The following SARNP variants were observed in gnomAD, a reference collection of about 807,000 sequenced individuals.
The protein encoded by SARNP is SAP domain-containing ribonucleoprotein.
A neutral mutation model predicts 38.1 loss-of-function variants in SARNP; 5 were observed. That is an observed-to-expected ratio of 0.13 (90% confidence interval 0.07 to 0.28). The LOEUF (loss-of-function observed/expected upper bound fraction) is 0.28, where lower values mean the gene tolerates loss of function less well. SARNP is among the 10% of genes least tolerant of loss of function. SARNP has a pLI of 1.00. For synonymous variants in SARNP, 84 were observed against 80.6 expected, an observed-to-expected ratio of 1.04 and a Z score of -0.23; for missense variants, 180 against 243.9, an observed-to-expected ratio of 0.74 and a Z score of 1.75.
chr12:55,764,274 C>A (rs1878759465), intron 9 of SARNP, among the ~76,000 whole-genome samples: 2 of 152,112 alleles, frequency 1.3e-5, no homozygotes, highest in African/African-American at 4.8e-5. Flanking sequence ...TCTGTAATCC[C>A]ACCACTTTGA....
chr12:55,788,651 T>A (rs528001447), intron 9 of SARNP, among the ~76,000 whole-genome samples: 1 of 151,952 alleles, frequency 6.6e-6, no homozygotes, highest in African/African-American at 2.4e-5. Context: ...TGAAAAAAAT[T>A]AGCTGGGCAT....
In SARNP at chr12:55,760,444, GTAAATAAA is replaced by G. The variant is rs542134059; in HGVS notation, c.591+99_591+106del. On this transcript the variant is annotated intron_variant, in intron 10 of 10. Coordinates refer to ENST00000336133, the MANE Select transcript of SARNP (RefSeq NM_033082.4). ...AGAGACCCCAACTCGACTTAAATAA[GTAAATAAA>G]TAAATAAATAAATAGGTGGGGAAAC... 103 of 702,112 alleles carry G rather than the reference GTAAATAAA, an allele frequency of 1.5e-4. 1 individual carries two copies. Among genetic ancestry groups the G allele is most frequent in the African/African-American group, 1.3e-3 (74 of 55,424 alleles). 43.5% of individuals were successfully genotyped at this position (702,112 alleles called of 1,614,324 possible). A position where few individuals can be genotyped will look rare whatever the true frequency, so the allele number is the denominator to read the frequency against.
At chr12:55,757,669 G>C in intron 10 of SARNP, 116 bp from the exon 11 acceptor site, 1 of 668,292 alleles carries the variant, frequency 1.5e-6, no homozygotes, top group Non-Finnish European at 2.5e-6. Flanking sequence ...AGGAAGGATG[G>C]CCCAGACTTG....
chr12:55,782,519 C>T (rs1177203739), intron 9 of SARNP, among the ~76,000 whole-genome samples: 2 of 152,164 alleles, frequency 1.3e-5, no homozygotes, highest in Non-Finnish European at 2.9e-5. Context: ...AACTAATATC[C>T]TCTGACTACA....
intron 1 of SARNP, among the ~76,000 whole-genome samples, chr12:55,805,193 C>T (rs1039641388): frequency 2.0e-5 from 3 of 152,288 alleles, no homozygotes; most frequent in African/African-American, 4.8e-5. Context: ...ACCCTGGAGG[C>T]GGAACTTGCA....
chr12:55,800,818 C>A (rs1232240547), intron 3 of SARNP, 36 bp downstream of exon 3: 1 of 1,578,726 alleles, frequency 6.3e-7, no homozygotes, highest in African/African-American at 1.3e-5. Flanking sequence ...AGCAGTGGCA[C>A]ATTACCAGAG....
intron 9 of SARNP, among the ~76,000 whole-genome samples, chr12:55,768,093 C>A (rs1478273102): frequency 6.6e-6 from 1 of 151,936 alleles, no homozygotes; most frequent in Non-Finnish European, 1.5e-5. Flanking sequence ...GTCCTATTAA[C>A]CATCTCCCTC....
intron 9 of SARNP, among the ~76,000 whole-genome samples, chr12:55,788,677 T>C (rs1010015117): frequency 1.3e-5 from 2 of 152,054 alleles, no homozygotes; most frequent in Non-Finnish European, 1.5e-5. Context: ...CACGTGCCTG[T>C]AGTTTTAGCT....
rs554386088 is a variant in SARNP, at chr12:55,783,904, G to A, written c.501+5171C>T. ...GCCCAGGAATTGGAGACCAGCCTGG[G>A]CCACACATGAGATCCTATCTCTAAA... is the stretch of plus-strand genomic sequence containing the variant. On this transcript the variant is annotated intron_variant, in intron 9 of 10. Transcript: ENST00000336133. Among the ~76,000 whole-genome samples, 8 of 151,974 alleles carry A rather than the reference G, an allele frequency of 5.3e-5. No individual in the cohort carries two copies. The South Asian group carries it at 1.7e-3, about 32-fold the overall frequency.
intron 9 of SARNP, among the ~76,000 whole-genome samples, chr12:55,779,085 T>C (rs1337069421): frequency 2.0e-5 from 3 of 152,364 alleles, no homozygotes; most frequent in South Asian, 4.1e-4. Flanking sequence ...TATGTGAGGT[T>C]GAGTTTTAGC....
chr12:55,773,882 A>G (rs766966459), intron 9 of SARNP, among the ~76,000 whole-genome samples: 1 of 151,948 alleles, frequency 6.6e-6, no homozygotes, highest in Non-Finnish European at 1.5e-5. Flanking sequence ...TAATTTTTGT[A>G]TTTTTAGTAG....
chr12:55,806,237 T>C (rs1004052703), intron 1 of SARNP, among the ~76,000 whole-genome samples: 3 of 152,034 alleles, frequency 2.0e-5, no homozygotes, highest in Non-Finnish European at 4.4e-5. Context: ...TAACAGTACC[T>C]ATTTCATAGG....
rs137893399 is a variant in SARNP at position 55,775,890 on chromosome 12, C to A, written c.501+13185G>T. On this transcript the variant is annotated intron_variant, in intron 9 of 10. Coordinates refer to ENST00000336133, the MANE Select transcript of SARNP (RefSeq NM_033082.4). ...ACTGAACCCACATATATAAGCCTCT[C>A]AAGTATTAACATACATTCTAAACAT... 1.1e-3 allele frequency among the ~76,000 whole-genome samples: 174 copies of A among 152,276 alleles called. 7 individuals are homozygous for A. The highest frequency in any genetic ancestry group is 7.5e-3 in the Admixed American group (114 of 15,282).
At chr12:55,808,634 G>T (rs1390553720) in intron 1 of SARNP, among the ~76,000 whole-genome samples, 1 of 151,850 alleles carries the variant, frequency 6.6e-6, no homozygotes, top group Non-Finnish European at 1.5e-5. Context: ...GGTAGCACAC[G>T]CCTGTGGTCC....
Position 55,757,425 on chromosome 12 carries a change from A to C in SARNP, c.*87T>G, listed in dbSNP as rs1457518489. The C allele has an allele frequency of 8.5e-6, 10 of 1,182,914 alleles. No individual in the cohort carries two copies. In the African/African-American group the frequency reaches 1.5e-4, roughly 18 times the overall value. 73.3% of individuals were successfully genotyped at this position (1,182,914 alleles called of 1,614,324 possible). The stretch of plus-strand genomic sequence containing the variant: ...TCATTGCGAGGCAGGACGTAGGCAC[A>C]TGACTGTGCATTTAGGCATATATGT... On this transcript the variant is annotated 3_prime_UTR_variant, in exon 11 of 11. Transcript: ENST00000336133.
At chr12:55,808,684 C>G (rs1880230189) in intron 1 of SARNP, among the ~76,000 whole-genome samples, 2 of 151,870 alleles carry the variant, frequency 1.3e-5, no homozygotes, top group Admixed American at 6.6e-5. Flanking sequence ...ACGCTTGAAC[C>G]TGGGAGGTCA....
At chr12:55,796,590 A>G (rs993257427) in intron 4 of SARNP, among the ~76,000 whole-genome samples, 3 of 152,082 alleles carry the variant, frequency 2.0e-5, no homozygotes, top group African/African-American at 7.2e-5. Flanking sequence ...TTTAGTAGAG[A>G]TAGGGTTTCA....
At chr12:55,758,142 A>C (rs1878569458) in intron 10 of SARNP, among the ~76,000 whole-genome samples, 1 of 152,122 alleles carries the variant, frequency 6.6e-6, no homozygotes, top group African/African-American at 2.4e-5. Flanking sequence ...AGACAGCAAC[A>C]CTGGAGAGGA....
intron 9 of SARNP, among the ~76,000 whole-genome samples, chr12:55,771,948 T>A (rs1879021283): frequency 6.6e-6 from 1 of 152,102 alleles, no homozygotes; most frequent in Non-Finnish European, 1.5e-5. Flanking sequence ...AGCTTCCAAT[T>A]TCATACTCTC....
Sources: gnomAD v4.1 joint callset for allele counts (sites outside exome capture counted in the v4.1 genomes callset) on GRCh38, gnomAD v4.1.1 for gene constraint, MANE v1.5 for transcripts, NCBI Gene and HGNC (gene_info 2026-07-23, HGNC 2026-07-21) for gene names.